Variants in PRCP observed in about 807,000 individuals in gnomAD.
PRCP encodes prolylcarboxypeptidase.
A neutral mutation model predicts 54.2 loss-of-function variants in PRCP; 46 were observed. That is an observed-to-expected ratio of 0.85 (90% confidence interval 0.67 to 1.09). The LOEUF is 1.09. Among genes scored for constraint, PRCP ranks in the 50% least tolerant of loss-of-function variants. The pLI is 0.00. For missense variants in PRCP, 613 were observed against 596.8 expected (o/e 1.03, Z -0.28); for synonymous variants, 240 against 212.2 (o/e 1.13, Z -1.14).
intron 1 of PRCP, among the ~76,000 whole-genome samples, chr11:82,899,526 G>A (rs1433497804): frequency 6.6e-6 from 1 of 152,182 alleles, no homozygotes; most frequent in African/African-American, 2.4e-5. Context: ...ATTTCACAGA[G>A]GATGTACTTT....
At chr11:82,886,909 A>G (rs569962886) in intron 1 of PRCP, among the ~76,000 whole-genome samples, 2 of 152,338 alleles carry the variant, frequency 1.3e-5, no homozygotes, top group East Asian at 3.9e-4. Flanking sequence ...CTTAAAGTCA[A>G]TGAAAGCTAC....
intron 1 of PRCP, among the ~76,000 whole-genome samples, chr11:82,896,714 C>T (rs1388312664): frequency 6.6e-6 from 1 of 151,010 alleles, no homozygotes; most frequent in Non-Finnish European, 1.5e-5. Flanking sequence ...ACTGACTTCC[C>T]CTAAGCAAGA....
At chr11:82,843,585 C>T (rs1482906901) in intron 6 of PRCP, among the ~76,000 whole-genome samples, 3 of 83,946 alleles carry the variant, frequency 3.6e-5, no homozygotes, top group African/African-American at 6.0e-5. Flanking sequence ...ACAACCATCT[C>T]TGTCCAAAAT....
intron 1 of PRCP, among the ~76,000 whole-genome samples, chr11:82,861,521 A>G (rs991560738): frequency 2.0e-5 from 3 of 152,186 alleles, no homozygotes; most frequent in South Asian, 2.1e-4. Context: ...AGTATCATCA[A>G]TGGTAGAGCA....
At chr11:82,889,164 A>G (rs917454557) in intron 1 of PRCP, among the ~76,000 whole-genome samples, 3 of 152,092 alleles carry the variant, frequency 2.0e-5, no homozygotes, top group African/African-American at 7.2e-5. Context: ...GTTCAAGACC[A>G]GCCTGGGCAA....
chr11:82,824,854 G>T lies in PRCP; in HGVS notation c.*52C>A, dbSNP rs894060273. 1.3e-6 allele frequency: 2 copies of T among 1,512,518 alleles called. No individual in the cohort carries two copies. Among genetic ancestry groups the T allele is most frequent in the South Asian group, 2.4e-5 (2 of 84,876 alleles). 93.7% of individuals were successfully genotyped at this position (1,512,518 alleles called of 1,614,324 possible). On this transcript the variant is annotated 3_prime_UTR_variant, in exon 9 of 9. Transcript: ENST00000313010. Reference sequence around the variant, plus strand: ...ACATGTAGAAAATCAAAGTGAATGGGAATGTGGTGGTGTGAACATAAAAGA... The same window carrying T: ...ACATGTAGAAAATCAAAGTGAATGGTAATGTGGTGGTGTGAACATAAAAGA...
chr11:82,855,937 A>G (rs963510577), intron 2 of PRCP, among the ~76,000 whole-genome samples: 1 of 152,232 alleles, frequency 6.6e-6, no homozygotes, highest in Non-Finnish European at 1.5e-5. Flanking sequence ...TACGGAAAGC[A>G]GTTTGGAGAT....
In PRCP at chr11:82,850,506, C is replaced by G; in HGVS notation, c.412-1G>C. 6.4e-7 allele frequency: 1 copy of G among 1,555,234 alleles called. No homozygotes were observed. The highest frequency in any genetic ancestry group is 8.7e-7 in the Non-Finnish European group (1 of 1,145,224). On this transcript the variant is annotated splice_acceptor_variant, in intron 3 of 8. Transcript: ENST00000313010. LOFTEE classifies it high-confidence loss of function. The stretch of plus-strand genomic sequence containing the variant: ...TCAGGAAATTCAAGTGTCTGGAATC[C>G]TAAAGAAATATAACAAAGAACACGG...
chr11:82,868,854 G>A (rs1456800341), intron 1 of PRCP, among the ~76,000 whole-genome samples: 1 of 151,514 alleles, frequency 6.6e-6, no homozygotes, highest in Non-Finnish European at 1.5e-5. Flanking sequence ...TGCCCAACAT[G>A]GCAAAACCTC....
At chr11:82,841,603 G>A (rs926019010) in intron 6 of PRCP, among the ~76,000 whole-genome samples, 16 of 152,172 alleles carry the variant, frequency 1.1e-4, no homozygotes, top group African/African-American at 3.9e-4. Context: ...AAATTAAGAT[G>A]TTCAAATAAT....
intron 1 of PRCP, among the ~76,000 whole-genome samples, chr11:82,871,177 CTTTT>C (rs146234682): frequency 8.5e-6 from 1 of 117,410 alleles, no homozygotes. Flanking sequence ...AAATGTTTCT[CTTTT>C]TTTTTTTTTT....
chr11:82,859,476 C>T (rs924107768), intron 2 of PRCP, among the ~76,000 whole-genome samples: 8 of 152,072 alleles, frequency 5.3e-5, no homozygotes, highest in Non-Finnish European at 1.2e-4. Flanking sequence ...TAACACTAAA[C>T]ATACAAAAAT....
chr11:82,878,463 A>G (rs964375227), intron 1 of PRCP, among the ~76,000 whole-genome samples: 4 of 152,152 alleles, frequency 2.6e-5, no homozygotes, highest in African/African-American at 9.7e-5. Context: ...GGGAGGGACA[A>G]ATGGGGAGGT....
intron 6 of PRCP, among the ~76,000 whole-genome samples, chr11:82,848,413 A>G (rs2121134894): frequency 6.6e-6 from 1 of 152,224 alleles, no homozygotes; most frequent in Admixed American, 6.6e-5. Flanking sequence ...CCTATTTGGT[A>G]TGTAAGTACT....
intron 1 of PRCP, among the ~76,000 whole-genome samples, chr11:82,867,837 C>G (rs1354772073): frequency 6.6e-6 from 1 of 152,098 alleles, no homozygotes; most frequent in Non-Finnish European, 1.5e-5. Context: ...ATCCTCCTTC[C>G]TAAGCTCGAG....
intron 1 of PRCP, among the ~76,000 whole-genome samples, chr11:82,883,079 A>G (rs1294896716): frequency 6.6e-6 from 1 of 152,200 alleles, no homozygotes; most frequent in Non-Finnish European, 1.5e-5. Context: ...TTGTCTGAAG[A>G]GCTGATGAAG....
intron 1 of PRCP, among the ~76,000 whole-genome samples, chr11:82,882,700 T>G (rs1379762367): frequency 6.8e-6 from 1 of 148,030 alleles, no homozygotes; most frequent in Middle Eastern, 3.2e-3. Flanking sequence ...TTTCACCGTT[T>G]TAGCCGGGAT....
intron 1 of PRCP, among the ~76,000 whole-genome samples, chr11:82,866,485 T>G (rs991048455): frequency 6.6e-6 from 1 of 152,174 alleles, no homozygotes; most frequent in African/African-American, 2.4e-5. Flanking sequence ...ATTCCCTGAC[T>G]CCTATGCTTT....
At chr11:82,826,672 T>C (rs1185230302) in intron 8 of PRCP, 1 of 152,260 alleles carries the variant, frequency 6.6e-6, no homozygotes, top group Non-Finnish European at 1.5e-5. Context: ...GGTATTTCAC[T>C]GTGGTTTTAA....
Sources: allele counts gnomAD v4.1 joint callset (sites outside exome capture counted in the v4.1 genomes callset), GRCh38; gene constraint gnomAD v4.1.1; transcripts MANE v1.5; gene names NCBI Gene and HGNC (gene_info 2026-07-23, HGNC 2026-07-21).